Variants in NAALADL2 observed in about 807,000 individuals in gnomAD.
NAALADL2 encodes inactive N-acetylated-alpha-linked acidic dipeptidase-like protein 2.
A neutral mutation model predicts 87.2 loss-of-function variants in NAALADL2; 76 were observed. That is an observed-to-expected ratio of 0.87 (90% CI 0.72 to 1.05). NAALADL2 has a LOEUF of 1.05. Among genes scored for constraint, NAALADL2 ranks in the 50% least tolerant of loss-of-function variants. NAALADL2 has a pLI of 0.00. For synonymous variants in NAALADL2, 354 were observed against 331.0 expected (o/e 1.07, Z -0.75); for missense variants, 1,089 against 945.8 (o/e 1.15, Z -1.99).
intron 1 of NAALADL2, among the ~76,000 whole-genome samples, chr3:174,509,214 T>G (rs1326190256): frequency 6.6e-6 from 1 of 152,062 alleles, no homozygotes; most frequent in Non-Finnish European, 1.5e-5. Context: ...AGAGAAAGCA[T>G]TCAGTGCTTT....
chr3:175,051,012 T>C (rs1755314597), intron 1 of NAALADL2, among the ~76,000 whole-genome samples: 1 of 152,164 alleles, frequency 6.6e-6, no homozygotes, highest in Non-Finnish European at 1.5e-5. Flanking sequence ...AAAGCTAGCA[T>C]TAGTGAGGAA....
At chr3:175,622,358 T>G (rs1432613619) in intron 10 of NAALADL2, among the ~76,000 whole-genome samples, 1 of 152,148 alleles carries the variant, frequency 6.6e-6, no homozygotes, top group Non-Finnish European at 1.5e-5. Flanking sequence ...AACTATCACT[T>G]AATTGATATA....
intron 5 of NAALADL2, among the ~76,000 whole-genome samples, chr3:175,406,422 T>G (rs1331545500): frequency 6.6e-6 from 1 of 152,164 alleles, no homozygotes; most frequent in Admixed American, 6.5e-5. Flanking sequence ...AAACTGATAA[T>G]GTGAAATGAA....
chr3:175,199,862 A>ATG (rs1560154022), intron 2 of NAALADL2, among the ~76,000 whole-genome samples: 30 of 13,788 alleles, frequency 2.2e-3, no homozygotes, highest in African/African-American at 7.8e-3. Flanking sequence ...ATATATATAT[A>ATG]TATTTTTTTT....
intron 1 of NAALADL2, among the ~76,000 whole-genome samples, chr3:174,492,364 G>A (rs1481971841): frequency 6.6e-6 from 1 of 151,968 alleles, no homozygotes; most frequent in Non-Finnish European, 1.5e-5. Context: ...TTGAATTATA[G>A]AATTCAATGA....
At chr3:174,606,868 T>A (rs1439206986) in intron 2 of NAALADL2, among the ~76,000 whole-genome samples, 1 of 151,798 alleles carries the variant, frequency 6.6e-6, no homozygotes, top group Non-Finnish European at 1.5e-5. Context: ...CACATAATCG[T>A]CAGATTCACC....
At chr3:174,630,551 A>G (rs139703558) in intron 2 of NAALADL2, among the ~76,000 whole-genome samples, 42 of 152,248 alleles carry the variant, frequency 2.8e-4, no homozygotes, top group African/African-American at 9.6e-4. Flanking sequence ...GTTCACGGTT[A>G]CCTTTTCAGG....
At chr3:174,725,490 G>A (rs917961532) in intron 2 of NAALADL2, among the ~76,000 whole-genome samples, 3 of 152,086 alleles carry the variant, frequency 2.0e-5, no homozygotes, top group Admixed American at 6.6e-5. Context: ...GGGTAATGAC[G>A]TAATTAAGTT....
chr3:175,467,635 A>T (rs946737837), intron 8 of NAALADL2, among the ~76,000 whole-genome samples: 3 of 152,162 alleles, frequency 2.0e-5, no homozygotes, highest in African/African-American at 7.2e-5. Flanking sequence ...TGAATGTAAA[A>T]TACATTTTAA....
intron 11 of NAALADL2, among the ~76,000 whole-genome samples, chr3:175,653,208 G>A (rs969352666): frequency 6.6e-6 from 1 of 151,788 alleles, no homozygotes; most frequent in Non-Finnish European, 1.5e-5. Context: ...TGGAGGAGAT[G>A]GAAGGGGAGG....
At chr3:175,695,305 T>C (rs185902827) in intron 11 of NAALADL2, among the ~76,000 whole-genome samples, 3 of 152,236 alleles carry the variant, frequency 2.0e-5, no homozygotes, top group Non-Finnish European at 4.4e-5. Context: ...CAATGTCTGT[T>C]GTAGTAATGT....
Position 175,463,431 on chromosome 3 carries a change from C to G in NAALADL2, c.1265C>G (p.Thr422Arg). 1 of 1,597,532 alleles carries G rather than the reference C, an allele frequency of 6.3e-7. No homozygotes were observed. Among genetic ancestry groups the G allele is most frequent in the Non-Finnish European group, 8.5e-7 (1 of 1,171,094 alleles). Residue 422 changes from threonine (T) to arginine (R), a missense_variant, in exon 7 of 14, where the codon ACA becomes AGA. Thr to Arg is a moderately conservative substitution (Grantham distance 71, BLOSUM62 -1). Coordinates refer to ENST00000454872, the MANE Select transcript of NAALADL2 (RefSeq NM_207015.3). ...AGAGTCGTCAGCATGCAAGTTCAGA[C>G]AGTCACAAAATTGAAAACAGTTACT... ...EIRVVSMQVQ[T>R]VTKLKTVTNV...
chr3:175,058,086 T>C lies in NAALADL2; in HGVS notation c.44-38704T>C, dbSNP rs145685481. 8.8e-3 allele frequency among the ~76,000 whole-genome samples: 1,340 copies of C among 152,358 alleles called. 20 individuals carry two copies. Among genetic ancestry groups the C allele is most frequent in the African/African-American group, 0.028 (1,179 of 41,580 alleles). On this transcript the variant is annotated intron_variant, in intron 1 of 13. Transcript: ENST00000454872. The stretch of plus-strand genomic sequence containing the variant: ...GATTTAAATAGAACAGTGATTTTTT[T>C]TCAATGACAATTTGGTAAACTTCTA...
In NAALADL2 at chr3:175,793,880, AC is replaced by A. The variant is rs569314016; in HGVS notation, c.2190-9124del. ...GCTGTTCAGTAGAATAAGCGGAAAA[AC>A]ATCAATACTGGCTGAATTACTCACT... On this transcript the variant is annotated intron_variant, in intron 13 of 13. Coordinates refer to ENST00000454872, the MANE Select transcript of NAALADL2 (RefSeq NM_207015.3). Among the ~76,000 whole-genome samples, 135 of 152,266 alleles carry A rather than the reference AC, an allele frequency of 8.9e-4. 2 individuals are homozygous for A. The highest frequency in any genetic ancestry group is 3.2e-3 in the African/African-American group (134 of 41,556).
At chr3:175,248,250 T>C (rs963905066) in intron 3 of NAALADL2, among the ~76,000 whole-genome samples, 1 of 152,230 alleles carries the variant, frequency 6.6e-6, no homozygotes, top group East Asian at 1.9e-4. Flanking sequence ...TTGATTTCTT[T>C]ATTTGTAAAA....
intron 9 of NAALADL2, among the ~76,000 whole-genome samples, chr3:175,517,632 G>A (rs2149409115): frequency 6.6e-6 from 1 of 152,244 alleles, no homozygotes; most frequent in East Asian, 1.9e-4. Context: ...AACAGGTAAT[G>A]AAGTGGCATC....
chr3:174,675,066 A>G (rs1578507329), intron 2 of NAALADL2, among the ~76,000 whole-genome samples: 3 of 152,158 alleles, frequency 2.0e-5, no homozygotes, highest in Admixed American at 2.0e-4. Context: ...TCTTGTTTTA[A>G]TGGTTTCTGC....
chr3:175,348,568 C>A (rs1763401815), intron 5 of NAALADL2, among the ~76,000 whole-genome samples: 1 of 152,138 alleles, frequency 6.6e-6, no homozygotes, highest in Non-Finnish European at 1.5e-5. Flanking sequence ...TCCTCCCTTG[C>A]ATCTTCCCAG....
chr3:175,045,880 A>G (rs113052901), intron 1 of NAALADL2, among the ~76,000 whole-genome samples: 12,527 of 152,130 alleles, frequency 0.082, 634 homozygotes, highest in African/African-American at 0.14. Context: ...ATTTTCCAAG[A>G]CTTTTTACTA....
Sources: gnomAD v4.1 joint callset for allele counts (sites outside exome capture counted in the v4.1 genomes callset) on GRCh38, gnomAD v4.1.1 for gene constraint, MANE v1.5 for transcripts, NCBI Gene and HGNC (gene_info 2026-07-23, HGNC 2026-07-21) for gene names.